SLC35F3: variants seen among roughly 807,000 people sequenced by gnomAD.
The protein encoded by SLC35F3 is solute carrier family 35 member F3, also known as putative thiamine transporter SLC35F3.
Under a neutral mutation model 49.9 loss-of-function variants are expected in SLC35F3, and 25 were observed. The ratio of observed to expected loss-of-function variants is 0.50; its 90% CI spans 0.37 to 0.70. The LOEUF is 0.70. SLC35F3 is among the 30% of genes least tolerant of loss of function. The probability of loss-of-function intolerance (pLI) is 0.00; values close to 1 mark genes in which losing one functional copy is unlikely to be tolerated. For synonymous variants in SLC35F3, 275 were observed against 265.4 expected, an observed-to-expected ratio of 1.04 and a Z score of -0.35; for missense variants, 525 against 639.8, an observed-to-expected ratio of 0.82 and a Z score of 1.94.
intron 2 of SLC35F3, among the ~76,000 whole-genome samples, chr1:234,110,021 G>A (rs1488158619): frequency 1.3e-5 from 2 of 152,120 alleles, no homozygotes; most frequent in Non-Finnish European, 2.9e-5. Context: ...GAAAGTGAAG[G>A]ATAGTATGAC....
chr1:234,270,792 A>C (rs1668085922), intron 3 of SLC35F3, among the ~76,000 whole-genome samples: 1 of 152,228 alleles, frequency 6.6e-6, no homozygotes, highest in African/African-American at 2.4e-5. Context: ...TTGCAAGGCC[A>C]AATTGGGATG....
chr1:233,993,925 T>G lies in SLC35F3; in HGVS notation c.283+88167T>G, dbSNP rs138500938. Among the ~76,000 whole-genome samples the G allele has an allele frequency of 2.4e-3, 363 of 151,908 alleles. 1 individual carries two copies. The highest frequency in any genetic ancestry group is 8.3e-3 in the African/African-American group (345 of 41,398). ...TGCCGCATGCTCAAATGAATCAGAG[T>G]GAGGTGTTTTGAGCAGTTTCATTGT... On this transcript the variant is annotated intron_variant, in intron 2 of 7. Transcript: ENST00000366618.
intron 3 of SLC35F3, among the ~76,000 whole-genome samples, chr1:234,275,508 A>G (rs970683839): frequency 2.0e-5 from 3 of 152,128 alleles, no homozygotes; most frequent in African/African-American, 7.2e-5. Context: ...GCAGAGACAG[A>G]GGGATGCTCA....
chr1:234,173,977 A>G (rs1248444220), intron 2 of SLC35F3, among the ~76,000 whole-genome samples: 4 of 152,342 alleles, frequency 2.6e-5, no homozygotes, highest in African/African-American at 7.2e-5. Context: ...CCCTGTGTAC[A>G]GCAGAAAAGG....
chr1:234,137,701 G>A (rs1209230408), intron 2 of SLC35F3, among the ~76,000 whole-genome samples: 1 of 152,186 alleles, frequency 6.6e-6, no homozygotes, highest in African/African-American at 2.4e-5. Flanking sequence ...AACCGAAGAT[G>A]GAGCTGAAAG....
At chr1:234,227,219 C>G (rs1256906634) in intron 2 of SLC35F3, among the ~76,000 whole-genome samples, 1 of 151,980 alleles carries the variant, frequency 6.6e-6, no homozygotes, top group East Asian at 1.9e-4. Context: ...ATTTAAGGCA[C>G]AAGATGATCA....
At chr1:234,125,395 T>C (rs1315386365) in intron 2 of SLC35F3, among the ~76,000 whole-genome samples, 1 of 152,086 alleles carries the variant, frequency 6.6e-6, no homozygotes, top group African/African-American at 2.4e-5. Flanking sequence ...TGACGGATCA[T>C]CCCCTGTCAC....
intron 3 of SLC35F3, among the ~76,000 whole-genome samples, chr1:234,238,322 A>C (rs2102955218): frequency 6.6e-6 from 1 of 152,296 alleles, no homozygotes; most frequent in Admixed American, 6.5e-5. Context: ...GAAATCATGT[A>C]ATCAATGCTC....
At chr1:234,168,508 G>A (rs575620711) in intron 2 of SLC35F3, among the ~76,000 whole-genome samples, 41 of 152,386 alleles carry the variant, frequency 2.7e-4, no homozygotes, top group Non-Finnish European at 5.0e-4. Flanking sequence ...CCATCATGCA[G>A]CAGAGTGCCT....
At chr1:234,111,524 C>T (rs1260909342) in intron 2 of SLC35F3, among the ~76,000 whole-genome samples, 1 of 152,218 alleles carries the variant, frequency 6.6e-6, no homozygotes, top group Non-Finnish European at 1.5e-5. Context: ...AACTCCTGAC[C>T]TCAGGTCATC....
intron 2 of SLC35F3, among the ~76,000 whole-genome samples, chr1:234,068,254 C>T (rs145088514): frequency 1.1e-4 from 16 of 152,286 alleles, no homozygotes; most frequent in African/African-American, 3.1e-4. Context: ...AAAAATTCCA[C>T]GCACCTCAAA....
intron 2 of SLC35F3, among the ~76,000 whole-genome samples, chr1:234,215,582 G>A (rs4920225): frequency 0.17 from 26,625 of 152,172 alleles, 3,883 homozygotes; most frequent in East Asian, 0.8. Context: ...TGAATGAGGG[G>A]CAGCCATGGG....
At chr1:234,300,571 A>G (rs1668677236) in intron 3 of SLC35F3, among the ~76,000 whole-genome samples, 1 of 152,256 alleles carries the variant, frequency 6.6e-6, no homozygotes, top group Non-Finnish European at 1.5e-5. Flanking sequence ...AAGAAGTTGG[A>G]CAATTAAATA....
intron 2 of SLC35F3, among the ~76,000 whole-genome samples, chr1:234,090,903 G>T (rs1165406877): frequency 6.6e-6 from 1 of 152,198 alleles, no homozygotes; most frequent in Non-Finnish European, 1.5e-5. Flanking sequence ...AAGCAAGGCA[G>T]GTGAAGTTTG....
chr1:233,942,087 A>T (rs1234910073), intron 2 of SLC35F3, among the ~76,000 whole-genome samples: 1 of 151,188 alleles, frequency 6.6e-6, no homozygotes, highest in East Asian at 1.9e-4. Flanking sequence ...CAGCCTCCCA[A>T]GTAGCCGGGA....
At chr1:234,266,877 T>TG (rs1558091255) in intron 3 of SLC35F3, among the ~76,000 whole-genome samples, 1 of 148,122 alleles carries the variant, frequency 6.8e-6, no homozygotes, top group East Asian at 2.0e-4. Flanking sequence ...CACATGGTTT[T>TG]TTTTTTTTTT....
intron 3 of SLC35F3, chr1:234,268,685 T>C (rs1668046894): frequency 6.6e-6 from 1 of 152,194 alleles, no homozygotes; most frequent in Non-Finnish European, 1.5e-5. Flanking sequence ...CCCTACCATG[T>C]CTACCCAAGA....
chr1:234,058,801 T>A (rs538516576), intron 2 of SLC35F3, among the ~76,000 whole-genome samples: 2 of 151,932 alleles, frequency 1.3e-5, no homozygotes, highest in Admixed American at 1.3e-4. Context: ...CTCATTTTTT[T>A]GGGTTTTTTT....
At chr1:234,037,210 G>A (rs1414134813) in intron 2 of SLC35F3, among the ~76,000 whole-genome samples, 1 of 152,166 alleles carries the variant, frequency 6.6e-6, no homozygotes, top group African/African-American at 2.4e-5. Context: ...GCTTCCAATT[G>A]TGGTGGAAGG....
Sources: gnomAD v4.1 joint callset for allele counts (sites outside exome capture counted in the v4.1 genomes callset) on GRCh38, gnomAD v4.1.1 for gene constraint, MANE v1.5 for transcripts, NCBI Gene and HGNC (gene_info 2026-07-23, HGNC 2026-07-21) for gene names.